EBF1: variants seen among roughly 807,000 people sequenced by gnomAD.
EBF1 encodes transcription factor COE1.
Under a neutral mutation model 68.4 loss-of-function variants are expected in EBF1, and 10 were observed. That is an observed-to-expected ratio of 0.15 (90% confidence interval 0.09 to 0.25). EBF1 has a LOEUF of 0.25. Among genes scored for constraint, EBF1 ranks in the 10% least tolerant of loss-of-function variants. The pLI is 1.00. For missense variants in EBF1, 509 were observed against 794.4 expected (o/e 0.64, Z 4.32); for synonymous variants, 298 against 299.8 (o/e 0.99, Z 0.06).
chr5:159,012,141 G>A (rs549545846), intron 6 of EBF1, among the ~76,000 whole-genome samples: 4 of 152,256 alleles, frequency 2.6e-5, no homozygotes, highest in East Asian at 3.9e-4. Flanking sequence ...ACATAAATTA[G>A]CTGGGTGTGG....
chr5:158,924,876 A>AAAG (rs57702910), intron 6 of EBF1, among the ~76,000 whole-genome samples: 4 of 150,158 alleles, frequency 2.7e-5, no homozygotes, highest in East Asian at 3.9e-4. Context: ...AAAAAAAAAA[A>AAAG]GATAAACTGA....
intron 6 of EBF1, among the ~76,000 whole-genome samples, chr5:158,901,313 G>GA (rs1373657358): frequency 6.6e-6 from 1 of 152,216 alleles, no homozygotes; most frequent in Non-Finnish European, 1.5e-5. Context: ...CTTGCTGTCT[G>GA]AAAAATTGCC....
intron 7 of EBF1, among the ~76,000 whole-genome samples, chr5:158,823,571 C>T (rs1027548115): frequency 2.6e-5 from 4 of 152,186 alleles, no homozygotes; most frequent in African/African-American, 9.7e-5. Flanking sequence ...ACACTGTTAA[C>T]CATAATTTTA....
At chr5:158,746,502 G>T (rs888543983) in intron 10 of EBF1, among the ~76,000 whole-genome samples, 1 of 152,112 alleles carries the variant, frequency 6.6e-6, no homozygotes, top group East Asian at 1.9e-4. Flanking sequence ...GCCATCTAGC[G>T]TTACCAGAAG....
At chr5:158,937,608 C>T (rs1812313800) in intron 6 of EBF1, among the ~76,000 whole-genome samples, 1 of 152,206 alleles carries the variant, frequency 6.6e-6, no homozygotes, top group Non-Finnish European at 1.5e-5. Context: ...GAAAGGAAAA[C>T]TTGGGCTGAA....
At chr5:159,039,043 T>C (rs977598585) in intron 6 of EBF1, among the ~76,000 whole-genome samples, 1 of 152,166 alleles carries the variant, frequency 6.6e-6, no homozygotes, top group Non-Finnish European at 1.5e-5. Flanking sequence ...AAAGAGTCCT[T>C]TTTCCTCTGA....
chr5:159,067,990 A>C (rs553126330), intron 6 of EBF1, among the ~76,000 whole-genome samples: 3 of 152,256 alleles, frequency 2.0e-5, no homozygotes, highest in East Asian at 3.9e-4. Context: ...GGTTTATCGG[A>C]ACGCTGAGAA....
chr5:158,948,388 A>C (rs1815290545), intron 6 of EBF1, among the ~76,000 whole-genome samples: 1 of 151,944 alleles, frequency 6.6e-6, no homozygotes, highest in Non-Finnish European at 1.5e-5. Flanking sequence ...AAAAAAAAAA[A>C]CCACTGTAGC....
intron 6 of EBF1, among the ~76,000 whole-genome samples, chr5:158,914,627 T>A (rs1806754393): frequency 6.6e-6 from 1 of 152,104 alleles, no homozygotes; most frequent in Non-Finnish European, 1.5e-5. Flanking sequence ...GGGGGGGAAA[T>A]GCCCAGGTTT....
Position 158,840,645 on chromosome 5 carries a change from G to GTTTTTTTTTT in EBF1, c.555-545_555-536dup, listed in dbSNP as rs534374216. 4.6e-4 allele frequency among the ~76,000 whole-genome samples: 30 copies of GTTTTTTTTTT among 64,820 alleles called. 2 individuals are homozygous for GTTTTTTTTTT. The highest frequency in any genetic ancestry group is 1.0e-3 in the Admixed American group (4 of 3,928). 42.5% of individuals were successfully genotyped at this position (64,820 alleles called of 152,430 possible). On this transcript the variant is annotated intron_variant, in intron 6 of 15. Coordinates refer to ENST00000313708, the MANE Select transcript of EBF1 (RefSeq NM_024007.5). ...TCCTTTGACTTCTCAAATACCTCCT[G>GTTTTTTTTTT]TTTTTTTTTTTTTTTTTTTTTTTTT...
chr5:158,936,300 G>A (rs75207247), intron 6 of EBF1, among the ~76,000 whole-genome samples: 150 of 152,276 alleles, frequency 9.9e-4, no homozygotes, highest in African/African-American at 3.6e-3. Flanking sequence ...AGAGAGCACA[G>A]GAGAACAGAC....
At position 158,723,837 on chromosome 5, in the gene EBF1, A is replaced by C. The variant is rs560924585; in HGVS notation, c.1125+7232T>G. The stretch of plus-strand genomic sequence containing the variant: ...TAAAGAGGTGAGAATTACAACTTTC[A>C]TGGGGGTCATCGGCCTTTTTACTGA... On this transcript the variant is annotated intron_variant, in intron 11 of 15. Coordinates refer to ENST00000313708, the MANE Select transcript of EBF1 (RefSeq NM_024007.5). Among the ~76,000 whole-genome samples, 9 of 152,264 alleles carry C rather than the reference A, an allele frequency of 5.9e-5. No homozygotes were observed. In the South Asian group the frequency reaches 1.9e-3, roughly 32 times the overall value.
At chr5:158,704,400 C>A (rs888491742) in intron 15 of EBF1, among the ~76,000 whole-genome samples, 1 of 152,062 alleles carries the variant, frequency 6.6e-6, no homozygotes, top group African/African-American at 2.4e-5. Flanking sequence ...GGTAAATAGG[C>A]CTTGAAAACA....
At position 159,028,556 on chromosome 5, in the gene EBF1, G is replaced by A. The variant is rs144406419; in HGVS notation, c.554+44840C>T. On this transcript the variant is annotated intron_variant, in intron 6 of 15. Coordinates refer to ENST00000313708, the MANE Select transcript of EBF1 (RefSeq NM_024007.5). ...TTGCCATTCTACGGGTGGGGGTGAA[G>A]GAGTCACACAATTAAAGAAAGAAAC... Among the ~76,000 whole-genome samples, 293 of 152,286 alleles carry A rather than the reference G, an allele frequency of 1.9e-3. 2 individuals are homozygous for A. The highest frequency in any genetic ancestry group is 6.8e-3 in the Middle Eastern group (2 of 294).
intron 3 of EBF1, among the ~76,000 whole-genome samples, chr5:159,095,912 A>G (rs1360479180): frequency 6.6e-6 from 1 of 152,208 alleles, no homozygotes; most frequent in Non-Finnish European, 1.5e-5. Context: ...GCCAGACGCC[A>G]AGTTCTGCAG....
intron 6 of EBF1, among the ~76,000 whole-genome samples, chr5:158,845,122 T>A (rs3981205): frequency 6.6e-6 from 1 of 151,838 alleles, no homozygotes; most frequent in Non-Finnish European, 1.5e-5. Flanking sequence ...AACCCAGTGG[T>A]TTTTCAGTAA....
At chr5:158,803,340 T>C (rs1780965315) in intron 8 of EBF1, among the ~76,000 whole-genome samples, 1 of 136,004 alleles carries the variant, frequency 7.4e-6, no homozygotes, top group South Asian at 2.5e-4. Flanking sequence ...ATCTGAATGC[T>C]TGTTTTTGCT....
intron 6 of EBF1, among the ~76,000 whole-genome samples, chr5:159,023,510 G>A (rs1017295810): frequency 2.0e-5 from 3 of 152,166 alleles, no homozygotes; most frequent in Non-Finnish European, 4.4e-5. Context: ...GTGTTCCACG[G>A]TCTGAAAACA....
intron 6 of EBF1, among the ~76,000 whole-genome samples, chr5:158,898,010 A>T: frequency 1.3e-5 from 2 of 152,328 alleles, no homozygotes; most frequent in Middle Eastern, 3.4e-3. Flanking sequence ...CCATTGAAAG[A>T]TCATTGCTGA....
Sources: allele counts gnomAD v4.1 joint callset (sites outside exome capture counted in the v4.1 genomes callset), GRCh38; gene constraint gnomAD v4.1.1; transcripts MANE v1.5; gene names NCBI Gene and HGNC (gene_info 2026-07-23, HGNC 2026-07-21).